The following NELL2 variants were observed in gnomAD, a reference collection of about 807,000 sequenced individuals.
The protein encoded by NELL2 is protein kinase C-binding protein NELL2.
Under a neutral mutation model 109.6 loss-of-function variants are expected in NELL2, and 41 were observed. The observed-to-expected ratio is 0.37, with a 90% CI of 0.29 to 0.49. NELL2 has a LOEUF of 0.49. NELL2 is among the 20% of genes least tolerant of loss of function. NELL2 has a pLI of 0.98. For missense variants in NELL2, 900 were observed against 1,008.3 expected, an observed-to-expected ratio of 0.89 and a Z score of 1.45; for synonymous variants, 355 against 344.7, an observed-to-expected ratio of 1.03 and a Z score of -0.33.
At chr12:44,820,765 T>C (rs1350945833) in intron 2 of NELL2, among the ~76,000 whole-genome samples, 2 of 152,172 alleles carry the variant, frequency 1.3e-5, no homozygotes, top group African/African-American at 2.4e-5. Context: ...GGAAGCCTGA[T>C]GGTACCCAAA....
At chr12:44,681,622 G>T (rs1015794065) in intron 12 of NELL2, among the ~76,000 whole-genome samples, 10 of 151,638 alleles carry the variant, frequency 6.6e-5, no homozygotes, top group African/African-American at 2.2e-4. Flanking sequence ...CTGTGTCCAT[G>T]TGTTCTCACT....
intron 15 of NELL2, among the ~76,000 whole-genome samples, chr12:44,559,707 T>C (rs970335380): frequency 1.3e-5 from 2 of 152,118 alleles, no homozygotes; most frequent in African/African-American, 4.8e-5. Context: ...CAAAGAGACT[T>C]AGACTCCCAC....
At chr12:44,515,591 T>C (rs554282514) in intron 19 of NELL2, among the ~76,000 whole-genome samples, 3 of 152,050 alleles carry the variant, frequency 2.0e-5, no homozygotes, top group East Asian at 1.9e-4. Flanking sequence ...CATCAAACTA[T>C]ATACTTAACT....
intron 1 of NELL2, among the ~76,000 whole-genome samples, chr12:44,894,938 G>A (rs1327179824): frequency 2.0e-5 from 3 of 152,172 alleles, no homozygotes; most frequent in African/African-American, 7.2e-5. Context: ...TTTCTTTGGT[G>A]ATTCAAACAT....
intron 1 of NELL2, among the ~76,000 whole-genome samples, chr12:44,881,571 T>C (rs1282352656): frequency 6.6e-6 from 1 of 151,962 alleles, no homozygotes; most frequent in Non-Finnish European, 1.5e-5. Flanking sequence ...CGAAGACAGA[T>C]CAATTAAAAT....
At chr12:44,569,718 T>C (rs1222837778) in intron 15 of NELL2, among the ~76,000 whole-genome samples, 1 of 152,208 alleles carries the variant, frequency 6.6e-6, no homozygotes. Context: ...CTTATTAAGA[T>C]ATTAAAAGCA....
At chr12:44,523,218 G>T in intron 17 of NELL2, 73 bp downstream of exon 17, 1 of 1,442,770 alleles carries the variant, frequency 6.9e-7, no homozygotes. Context: ...AACTCATCAA[G>T]CCATATACAC....
intron 15 of NELL2, among the ~76,000 whole-genome samples, chr12:44,564,895 C>T (rs1056842837): frequency 6.6e-6 from 1 of 152,148 alleles, no homozygotes; most frequent in African/African-American, 2.4e-5. Flanking sequence ...AACCCATGCA[C>T]ATTTGGAAGC....
chr12:44,896,342 C>T (rs900283637), intron 1 of NELL2, among the ~76,000 whole-genome samples: 2 of 152,152 alleles, frequency 1.3e-5, no homozygotes, highest in Non-Finnish European at 2.9e-5. Flanking sequence ...GGTCTATAGG[C>T]TTCCTTAAAT....
At chr12:44,764,022 T>C (rs970492534) in intron 9 of NELL2, among the ~76,000 whole-genome samples, 2 of 152,112 alleles carry the variant, frequency 1.3e-5, no homozygotes, top group Non-Finnish European at 2.9e-5. Flanking sequence ...CCCAAGCTAC[T>C]AAAGGCCTGG....
chr12:44,777,156 T>C lies in NELL2; in HGVS notation c.680-32A>G, dbSNP rs368454398. ...TTACAAACACTACATTTGGTCAAGA[T>C]GCATTTATAAGGGGTTCAATCTGGT... On this transcript the variant is annotated intron_variant, in intron 6 of 19. Coordinates refer to ENST00000429094, the MANE Select transcript of NELL2 (RefSeq NM_001145108.2). 5.6e-6 allele frequency: 9 copies of C among 1,612,664 alleles called. No individual in the cohort carries two copies. The African/African-American group carries it at 9.3e-5, about 17-fold the overall frequency.
At chr12:44,614,694 G>T (rs1262399546) in intron 13 of NELL2, among the ~76,000 whole-genome samples, 1 of 152,048 alleles carries the variant, frequency 6.6e-6, no homozygotes, top group Non-Finnish European at 1.5e-5. Context: ...ATATCCAACA[G>T]TGTCATCAGT....
chr12:44,876,866 TG>T (rs1475223946), upstream of NELL2: 3 of 1,294,384 alleles, frequency 2.3e-6, no homozygotes, highest in Non-Finnish European at 2.9e-6. Flanking sequence ...TGGGGACGGA[TG>T]GCGAGCCTGG....
At chr12:44,699,165 T>G (rs1389883039) in intron 12 of NELL2, among the ~76,000 whole-genome samples, 1 of 152,146 alleles carries the variant, frequency 6.6e-6, no homozygotes, top group Non-Finnish European at 1.5e-5. Context: ...TTATATGTAG[T>G]GACAAAATAC....
At chr12:44,701,144 A>G (rs1949215552) in intron 12 of NELL2, among the ~76,000 whole-genome samples, 1 of 152,130 alleles carries the variant, frequency 6.6e-6, no homozygotes, top group South Asian at 2.1e-4. Context: ...AAACATCCTC[A>G]AAGTTAGCAA....
intron 2 of NELL2, among the ~76,000 whole-genome samples, chr12:44,818,909 A>AT (rs1943450675): frequency 6.7e-6 from 1 of 149,150 alleles, no homozygotes; most frequent in Non-Finnish European, 1.5e-5. Flanking sequence ...CGCCCAGCTA[A>AT]TTTTTTGTAT....
chr12:44,809,412 A>C (rs1415294943), intron 3 of NELL2, among the ~76,000 whole-genome samples: 5 of 152,066 alleles, frequency 3.3e-5, no homozygotes, highest in Non-Finnish European at 5.9e-5. Flanking sequence ...AAACTATAAT[A>C]ATGAGAGAAC....
intron 1 of NELL2, among the ~76,000 whole-genome samples, chr12:44,921,199 TG>T (rs1173276403): frequency 6.6e-6 from 1 of 152,170 alleles, no homozygotes; most frequent in Admixed American, 6.5e-5. Flanking sequence ...GTCTTCTCAT[TG>T]AAACCATGAC....
chr12:44,755,817 T>G (rs1203264787), intron 9 of NELL2, among the ~76,000 whole-genome samples: 1 of 152,226 alleles, frequency 6.6e-6, no homozygotes, highest in Non-Finnish European at 1.5e-5. Context: ...TAGTTTTTGA[T>G]ACTATCATTA....
Sources: allele counts gnomAD v4.1 joint callset (sites outside exome capture counted in the v4.1 genomes callset), GRCh38; gene constraint gnomAD v4.1.1; transcripts MANE v1.5; gene names NCBI Gene and HGNC (gene_info 2026-07-23, HGNC 2026-07-21).